CHODL: variants seen among roughly 807,000 people sequenced by gnomAD.
CHODL encodes chondrolectin.
CHODL carries 29 observed loss-of-function variants against 34.5 expected under a neutral mutation model. The observed-to-expected ratio is 0.84, with a 90% CI of 0.63 to 1.15. CHODL has a LOEUF of 1.15. CHODL is among the 50% of genes most tolerant of loss of function. CHODL has a pLI of 0.00. For synonymous variants in CHODL, 125 were observed against 116.1 expected (o/e 1.08, Z -0.49); for missense variants, 332 against 332.5 (o/e 1.00, Z 0.01).
chr21:18,111,047 A>G (rs2065344810), intron 2 of CHODL, among the ~76,000 whole-genome samples: 1 of 152,176 alleles, frequency 6.6e-6, no homozygotes, highest in Admixed American at 6.5e-5. Context: ...CTAGGGGAAT[A>G]TTAGAGTGTA....
chr21:18,154,387 T>C (rs759119264), intron 2 of CHODL, among the ~76,000 whole-genome samples: 1 of 152,170 alleles, frequency 6.6e-6, no homozygotes, highest in Non-Finnish European at 1.5e-5. Flanking sequence ...GATCTTATCT[T>C]CCTCTAGTTC....
chr21:18,223,000 A>G (rs1488278823), intron 2 of CHODL, among the ~76,000 whole-genome samples: 1 of 152,258 alleles, frequency 6.6e-6, no homozygotes, highest in Non-Finnish European at 1.5e-5. Flanking sequence ...TTAAGTAGAA[A>G]AAATATGAAA....
intron 2 of CHODL, among the ~76,000 whole-genome samples, chr21:18,203,705 A>G (rs2073681251): frequency 6.6e-6 from 1 of 152,138 alleles, no homozygotes; most frequent in African/African-American, 2.4e-5. Context: ...AATAAAGCCT[A>G]ACTAATTTGA....
rs117750126 is a variant in CHODL, at chr21:18,115,459, C to T, written c.-45+87488C>T. On this transcript the variant is annotated intron_variant, in intron 2 of 6. Coordinates refer to the CHODL transcript ENST00000400127. ...TATTCTGTAACTCCAGGGAATCTCT[C>T]TGCCCTCCCTTCTTTTTTCCACACC... Among the ~76,000 whole-genome samples the T allele has an allele frequency of 1.6e-3, 237 of 152,322 alleles. 1 individual carries two copies. The highest frequency in any genetic ancestry group is 4.8e-3 in the Admixed American group (74 of 15,296).
At chr21:18,197,608 C>G (rs750243366) in intron 2 of CHODL, among the ~76,000 whole-genome samples, 6 of 152,146 alleles carry the variant, frequency 3.9e-5, no homozygotes, top group Non-Finnish European at 8.8e-5. Context: ...GAGCTAGACT[C>G]CATCTCAAAA....
chr21:18,235,115 T>C (rs2074017140), intron 2 of CHODL, among the ~76,000 whole-genome samples: 1 of 152,060 alleles, frequency 6.6e-6, no homozygotes. Context: ...TTGGTGTTGC[T>C]GGCTGATTTG....
At chr21:18,242,033 G>T (rs115313108), upstream of CHODL, among the ~76,000 whole-genome samples, 605 of 151,718 alleles carry the variant, frequency 4.0e-3, 2 homozygotes, top group African/African-American at 0.014. Flanking sequence ...CTTAACTTGT[G>T]GGGGACCTCT....
intron 2 of CHODL, among the ~76,000 whole-genome samples, chr21:18,082,017 G>A (rs2064948321): frequency 1.3e-5 from 2 of 152,276 alleles, no homozygotes; most frequent in Non-Finnish European, 1.5e-5. Flanking sequence ...CCTGATCCTG[G>A]TGATATGTTT....
intron 2 of CHODL, among the ~76,000 whole-genome samples, chr21:18,161,991 C>T (rs529590734): frequency 1.1e-4 from 16 of 152,112 alleles, no homozygotes; most frequent in Non-Finnish European, 1.8e-4. Context: ...ATGTTATTAC[C>T]ACCCACAAGA....
chr21:18,204,055 G>T (rs1236111076), intron 2 of CHODL, among the ~76,000 whole-genome samples: 2 of 151,974 alleles, frequency 1.3e-5, no homozygotes, highest in African/African-American at 2.4e-5. Flanking sequence ...TTACTCAAAA[G>T]CTGTTATAAC....
chr21:18,241,548 C>G (rs994015457), upstream of CHODL, among the ~76,000 whole-genome samples: 4 of 152,108 alleles, frequency 2.6e-5, no homozygotes, highest in Admixed American at 2.6e-4. Flanking sequence ...TGAATGAAGC[C>G]TGCTGTGACT....
intron 2 of CHODL, among the ~76,000 whole-genome samples, chr21:18,030,836 G>C (rs2064239058): frequency 6.6e-6 from 1 of 152,122 alleles, no homozygotes; most frequent in African/African-American, 2.4e-5. Flanking sequence ...TCCAGTGTTT[G>C]CTACCTTAGA....
rs1055361391 is a variant in CHODL at position 18,263,031 on chromosome 21, A to T, written c.737+138A>T. On this transcript the variant is annotated intron_variant, in intron 5 of 5. Coordinates refer to ENST00000299295, the MANE Select transcript of CHODL (RefSeq NM_024944.3). Reference sequence around the variant, plus strand: ...CTATACATACAATCTAATAAGATATACATTGAGGATAGAATTAATGTAATA... The same window carrying T: ...CTATACATACAATCTAATAAGATATTCATTGAGGATAGAATTAATGTAATA... The T allele has an allele frequency of 6.8e-6, 4 of 583,992 alleles. No homozygotes were observed. The African/African-American group carries it at 7.5e-5, about 11-fold the overall frequency. The allele number at this position is 583,992 out of a possible 1,614,324, so 36.2% of individuals were successfully genotyped here. A position where few individuals can be genotyped will look rare whatever the true frequency, so the allele number is the denominator to read the frequency against.
chr21:18,212,485 C>T (rs1226812697), intron 2 of CHODL, among the ~76,000 whole-genome samples: 3 of 152,054 alleles, frequency 2.0e-5, no homozygotes, highest in African/African-American at 4.8e-5. Context: ...TACAAACATG[C>T]ATTTACAATT....
In CHODL at chr21:17,978,745, A is replaced by C. The variant is rs535449632; in HGVS notation, c.-144-49127A>C. On this transcript the variant is annotated intron_variant, in intron 1 of 6. Coordinates refer to the CHODL transcript ENST00000400127. ...AAAGAAAAAAAAAGAAAAAAAAAAA[A>C]ACAAACAAACAGAAAAAAGATGTCA... is the stretch of plus-strand genomic sequence containing the variant. Among the ~76,000 whole-genome samples, 67 of 146,404 alleles carry C rather than the reference A, an allele frequency of 4.6e-4. 1 individual carries two copies. The East Asian group carries it at 0.012, about 26-fold the overall frequency.
intron 1 of CHODL, among the ~76,000 whole-genome samples, chr21:18,252,721 C>T (rs2074272527): frequency 6.6e-6 from 1 of 152,130 alleles, no homozygotes; most frequent in Non-Finnish European, 1.5e-5. Context: ...CTTGCTAGAT[C>T]TGAACTGTTA....
Position 18,133,353 on chromosome 21 carries a change from G to C in CHODL, c.-45+105382G>C, listed in dbSNP as rs1167901161. On this transcript the variant is annotated intron_variant, in intron 2 of 6. Coordinates refer to the CHODL transcript ENST00000400127. The stretch of plus-strand genomic sequence containing the variant: ...TCCAATTCTCTGTTTCATTTAGGAT[G>C]CTTTTGCTATACCTAATAGAAAATT... Among the ~76,000 whole-genome samples, 3 of 152,176 alleles carry C rather than the reference G, an allele frequency of 2.0e-5. No homozygotes were observed. In the East Asian group the frequency reaches 5.8e-4, roughly 29 times the overall value.
chr21:18,220,862 C>G (rs2073876578), intron 2 of CHODL, among the ~76,000 whole-genome samples: 1 of 151,926 alleles, frequency 6.6e-6, no homozygotes, highest in African/African-American at 2.4e-5. Context: ...CTATAATGTG[C>G]CTTGGAGAGG....
At chr21:17,962,141 G>A (rs966782068) in intron 1 of CHODL, among the ~76,000 whole-genome samples, 2 of 152,184 alleles carry the variant, frequency 1.3e-5, no homozygotes, top group African/African-American at 4.8e-5. Context: ...AGGGGTGTGG[G>A]AAAGCAGGAA....
Sources: gnomAD v4.1 joint callset for allele counts (sites outside exome capture counted in the v4.1 genomes callset) on GRCh38, gnomAD v4.1.1 for gene constraint, MANE v1.5 for transcripts, NCBI Gene and HGNC (gene_info 2026-07-23, HGNC 2026-07-21) for gene names.